The following LARS2 variants were observed in gnomAD, a reference collection of about 807,000 sequenced individuals.
The protein encoded by LARS2 is leucyl-tRNA synthetase 2, mitochondrial.
In LARS2, 81 loss-of-function variants were observed where a neutral mutation model predicts 116.6. The observed-to-expected ratio is 0.69, with a 90% CI of 0.58 to 0.84. The LOEUF (loss-of-function observed/expected upper bound fraction) is 0.84. Among genes scored for constraint, LARS2 ranks in the 40% least tolerant of loss-of-function variants. The pLI, the probability that LARS2 is intolerant of heterozygous loss-of-function variation, is 0.00. For synonymous variants in LARS2, 396 were observed against 407.2 expected, an observed-to-expected ratio of 0.97 and a Z score of 0.33; for missense variants, 968 against 1,114.5, an observed-to-expected ratio of 0.87 and a Z score of 1.87.
chr3:45,437,595 C>T (rs1169902586), intron 6 of LARS2, among the ~76,000 whole-genome samples: 3 of 152,184 alleles, frequency 2.0e-5, no homozygotes, highest in Admixed American at 6.5e-5. Flanking sequence ...AGGAGGAAGA[C>T]GTGGCTATGT....
At chr3:45,492,112 C>G (rs1699929042) in intron 13 of LARS2, among the ~76,000 whole-genome samples, 1 of 152,224 alleles carries the variant, frequency 6.6e-6, no homozygotes, top group Non-Finnish European at 1.5e-5. Flanking sequence ...TGTAAAAAAC[C>G]ACTTTCCTCC....
At chr3:45,519,602 T>C (rs1700421593) in intron 18 of LARS2, 1 of 150,730 alleles carries the variant, frequency 6.6e-6, no homozygotes, top group African/African-American at 2.4e-5. Context: ...TGTTTTCTGT[T>C]ATGTTGAGTT....
At chr3:45,503,542 G>GGGTTT (rs1338458126) in intron 15 of LARS2, among the ~76,000 whole-genome samples, 4 of 151,984 alleles carry the variant, frequency 2.6e-5, no homozygotes, top group Non-Finnish European at 5.9e-5. Context: ...TTCCTAAGTT[G>GGGTTT]GGTTTGGTTT....
At chr3:45,479,832 T>G (rs1699667957) in intron 10 of LARS2, among the ~76,000 whole-genome samples, 1 of 152,166 alleles carries the variant, frequency 6.6e-6, no homozygotes, top group Admixed American at 6.5e-5. Context: ...ATTAAAATAT[T>G]CAAACCCTGG....
At chr3:45,511,567 A>G (rs1700289979) in intron 15 of LARS2, among the ~76,000 whole-genome samples, 1 of 151,588 alleles carries the variant, frequency 6.6e-6, no homozygotes, top group South Asian at 2.1e-4. Flanking sequence ...ATACCTCAAC[A>G]GTTTACCTTA....
intron 6 of LARS2, among the ~76,000 whole-genome samples, chr3:45,425,791 C>G (rs1698584205): frequency 6.6e-6 from 1 of 152,132 alleles, no homozygotes; most frequent in South Asian, 2.1e-4. Flanking sequence ...TGCTTGCTTG[C>G]TTTCGTGTAA....
chr3:45,515,441 C>G (rs1269872427), intron 16 of LARS2, among the ~76,000 whole-genome samples: 1 of 152,234 alleles, frequency 6.6e-6, no homozygotes, highest in Non-Finnish European at 1.5e-5. Flanking sequence ...TTGCCAGGTG[C>G]TCTTACTAGT....
At position 45,486,388 on chromosome 3, in the gene LARS2, A is replaced by T. The variant is rs149222014; in HGVS notation, c.1123+592A>T. Reference sequence around the variant, plus strand: ...TACTCATTCGTGAGCATTCTAAACTATCGTCATGTAACAGGAAGTCTGAGA... The same window carrying T: ...TACTCATTCGTGAGCATTCTAAACTTTCGTCATGTAACAGGAAGTCTGAGA... On this transcript the variant is annotated intron_variant, in intron 11 of 21. Coordinates refer to ENST00000645846, the MANE Select transcript of LARS2 (RefSeq NM_015340.4). Among the ~76,000 whole-genome samples, 5 of 152,312 alleles carry T rather than the reference A, an allele frequency of 3.3e-5. No individual in the cohort carries two copies. The East Asian group carries it at 9.6e-4, about 29-fold the overall frequency.
intron 20 of LARS2, among the ~76,000 whole-genome samples, chr3:45,535,640 C>T (rs1700691628): frequency 6.6e-6 from 1 of 152,004 alleles, no homozygotes; most frequent in South Asian, 2.1e-4. Flanking sequence ...GGGTGGTGGC[C>T]ATAAAAGAGT....
intron 6 of LARS2, among the ~76,000 whole-genome samples, chr3:45,440,305 A>G (rs1300771117): frequency 6.6e-6 from 1 of 152,240 alleles, no homozygotes; most frequent in Admixed American, 6.5e-5. Flanking sequence ...GTACCTGGGA[A>G]GGCATAAAAG....
chr3:45,499,997 G>GT (rs1382653439), intron 14 of LARS2, among the ~76,000 whole-genome samples: 1 of 151,488 alleles, frequency 6.6e-6, no homozygotes, highest in African/African-American at 2.4e-5. Context: ...TTGTTTGTTT[G>GT]TTTGTTTGTC....
At chr3:45,517,856 C>T (rs551304430) in intron 17 of LARS2, 47 bp from the exon 18 acceptor site, 1 of 1,520,830 alleles carries the variant, frequency 6.6e-7, no homozygotes, top group Admixed American at 1.8e-5. Flanking sequence ...GTCAATCACC[C>T]TTATGTTGCA....
At chr3:45,503,913 A>G (rs1248884699) in intron 15 of LARS2, among the ~76,000 whole-genome samples, 5 of 151,872 alleles carry the variant, frequency 3.3e-5, no homozygotes, top group Non-Finnish European at 7.4e-5. Context: ...CTCGACTTTT[A>G]GGTTTCTTTT....
chr3:45,408,420 C>T (rs1010318196), intron 4 of LARS2, among the ~76,000 whole-genome samples: 1 of 152,242 alleles, frequency 6.6e-6, no homozygotes, highest in Non-Finnish European at 1.5e-5. Context: ...GCAGGTTATG[C>T]AGTCCTGCTA....
rs1235671124 is a variant in LARS2 at position 45,544,067 on chromosome 3, GAC to G, written c.2532+2112_2532+2113del. Among the ~76,000 whole-genome samples, 251 of 152,352 alleles carry G rather than the reference GAC, an allele frequency of 1.6e-3. 2 individuals are homozygous for G. Among genetic ancestry groups the G allele is most frequent in the Non-Finnish European group, 3.4e-4 (23 of 68,026 alleles). ...GGGTCAGCACCGTGCCAGCAGCAAGGACTTCTGTGAAGGCCTGGGTTCTCGCT... is the reference window on the plus strand; with the variant it reads ...GGGTCAGCACCGTGCCAGCAGCAAGGTTCTGTGAAGGCCTGGGTTCTCGCT... On this transcript the variant is annotated intron_variant, in intron 21 of 21. Coordinates refer to ENST00000645846, the MANE Select transcript of LARS2 (RefSeq NM_015340.4).
At chr3:45,534,652 A>T (rs148264196) in intron 20 of LARS2, among the ~76,000 whole-genome samples, 299 of 152,306 alleles carry the variant, frequency 2.0e-3, no homozygotes, top group African/African-American at 6.9e-3. Flanking sequence ...GAGCAACAGA[A>T]TTGAGATCTA....
At chr3:45,476,676 T>G in intron 10 of LARS2, 49 bp downstream of exon 10, 1 of 1,597,030 alleles carries the variant, frequency 6.3e-7, no homozygotes, top group Non-Finnish European at 8.6e-7. Flanking sequence ...TACCTTACAT[T>G]TGGATGGCGC....
In LARS2 at chr3:45,548,481, G is replaced by A. The variant is rs1700906589; in HGVS notation, c.*951G>A. 6.6e-6 allele frequency: 1 copy of A among 152,314 alleles called. No individual in the cohort carries two copies. Among genetic ancestry groups the A allele is most frequent in the African/African-American group, 2.4e-5 (1 of 41,474 alleles). The allele number at this position is 152,314 out of a possible 1,614,324, so 9.4% of individuals were successfully genotyped here. ...ACTCCAGAGCCAGTTATTAGGAAGA[G>A]CAAGCTCACCACAGAGGAGTGGAAC... On this transcript the variant is annotated 3_prime_UTR_variant, in exon 22 of 22. Transcript: ENST00000645846.
chr3:45,418,376 C>CT (rs955553656), intron 5 of LARS2, among the ~76,000 whole-genome samples: 2 of 152,198 alleles, frequency 1.3e-5, no homozygotes, highest in Non-Finnish European at 2.9e-5. Context: ...ATCCAGGTCT[C>CT]TTTTTTCTTC....
Sources: gnomAD v4.1 joint callset for allele counts (sites outside exome capture counted in the v4.1 genomes callset) on GRCh38, gnomAD v4.1.1 for gene constraint, MANE v1.5 for transcripts, NCBI Gene and HGNC (gene_info 2026-07-23, HGNC 2026-07-21) for gene names.